The following FASTKD3 variants were observed in gnomAD, a reference collection of about 807,000 sequenced individuals.
FASTKD3 encodes FAST kinase domain-containing protein 3, mitochondrial.
FASTKD3 carries 47 observed loss-of-function variants against 49.7 expected under a neutral mutation model. The ratio of observed to expected loss-of-function variants is 0.95; its 90% CI spans 0.75 to 1.21. The LOEUF (loss-of-function observed/expected upper bound fraction) is 1.21, where lower values mean the gene tolerates loss of function less well. Ranked by LOEUF, FASTKD3 falls within the 50% of genes most tolerant of loss-of-function variation. FASTKD3 has a pLI of 0.00. For missense variants in FASTKD3, 748 were observed against 765.7 expected, an observed-to-expected ratio of 0.98 and a Z score of 0.27; for synonymous variants, 284 against 288.6, an observed-to-expected ratio of 0.98 and a Z score of 0.16.
chr5:7,867,080 C>T lies in FASTKD3; in HGVS notation c.1004G>A (p.Arg335Lys). Residue 335 changes from arginine to lysine, a missense_variant, in exon 2 of 7, where the codon AGG becomes AAG. This residue lies in a region of FASTKD3 where 564 missense variants were observed against 562.8 expected (regional missense o/e 1.00). Coordinates refer to ENST00000264669, the MANE Select transcript of FASTKD3 (RefSeq NM_024091.4). ...HVPHFTNEEL[R>K]RVLEAFIYFG... is the part of the protein sequence containing the mutation. ...ATATATGAACGCCTCCAAGACTCTC[C>T]TAAGCTCCTCGTTAGTGAAATGTGG... 7 of 1,614,182 alleles carry T rather than the reference C, an allele frequency of 4.3e-6. No individual in the cohort carries two copies. The highest frequency in any genetic ancestry group is 3.3e-5 in the South Asian group (3 of 91,074).
chr5:7,867,265 G>C lies in FASTKD3; in HGVS notation c.819C>G (p.His273Gln). Residue 273 changes from histidine (H) to glutamine (Q), a missense_variant, in exon 2 of 7, where the codon CAC becomes CAG. Physicochemically the swap from His to Gln is conservative, Grantham distance 24 (BLOSUM62 0). Coordinates refer to ENST00000264669, the MANE Select transcript of FASTKD3 (RefSeq NM_024091.4). ...TGTTTATCTTATTTAAAAATGTTTG[G>C]TGTTCATCCACTTTTTCAGTACATG... ...LQACTEKVDEHQTFLNKINNF... is the reference protein window; with the variant it reads ...LQACTEKVDEQQTFLNKINNF... 1 of 1,613,780 alleles carries C rather than the reference G, an allele frequency of 6.2e-7. No homozygotes were observed. The highest frequency in any genetic ancestry group is 8.5e-7 in the Non-Finnish European group (1 of 1,180,030).
chr5:7,859,744 T>C (rs1434388165), intron 6 of FASTKD3, among the ~76,000 whole-genome samples: 1 of 152,222 alleles, frequency 6.6e-6, no homozygotes, highest in Non-Finnish European at 1.5e-5. Context: ...GGTAAATATT[T>C]GATGAATTAA....
rs751672253 is a variant in FASTKD3, at chr5:7,865,891, CT to C, written c.1524+6del. On this transcript the variant is annotated splice_donor_region_variant and intron_variant, in intron 3 of 6. Coordinates refer to ENST00000264669, the MANE Select transcript of FASTKD3 (RefSeq NM_024091.4). ...GAAATAAAGCCACATATAGTTCATGCTTTTACCTTATAGAAAGGGCATTCCA... is the reference window on the plus strand; with the variant it reads ...GAAATAAAGCCACATATAGTTCATGCTTTACCTTATAGAAAGGGCATTCCA... 1 of 1,610,852 alleles carries C rather than the reference CT, an allele frequency of 6.2e-7. No individual in the cohort carries two copies. The highest frequency in any genetic ancestry group is 8.5e-7 in the Non-Finnish European group (1 of 1,177,104).
At chr5:7,861,839 C>A in intron 4 of FASTKD3, 187 bp from the exon 5 acceptor site, 2 of 1,248,996 alleles carry the variant, frequency 1.6e-6, no homozygotes, top group Non-Finnish European at 2.1e-6. Flanking sequence ...TATGATCAAT[C>A]AAGTCAGCCT....
At chr5:7,861,539 C>A in intron 5 of FASTKD3, 44 bp downstream of exon 5, 1 of 1,380,044 alleles carries the variant, frequency 7.2e-7, no homozygotes, top group Non-Finnish European at 9.6e-7. Flanking sequence ...GCTTATTAGC[C>A]TCAACGAGTC....
Position 7,860,113 on chromosome 5 carries a change from G to A in FASTKD3, c.1885-574C>T, listed in dbSNP as rs973453470. On this transcript the variant is annotated intron_variant, in intron 6 of 6. Transcript: ENST00000264669. The stretch of plus-strand genomic sequence containing the variant: ...ATTGGAGGGTCTTGAATGTTAAGAT[G>A]TAGAGAAGTTTTTACTTTATTCTGT... Among the ~76,000 whole-genome samples, 10 of 152,310 alleles carry A rather than the reference G, an allele frequency of 6.6e-5. No individual in the cohort carries two copies. In the East Asian group the frequency reaches 1.2e-3, roughly 18 times the overall value.
At position 7,867,968 on chromosome 5, in the gene FASTKD3, T is replaced by C; in HGVS notation, c.116A>G (p.Glu39Gly). The change falls in exon 2 of 7, where the codon GAG (glutamate) becomes GGG (glycine). Residue 39 changes from glutamate (E) to glycine (G), a missense_variant. By Grantham distance (98) the Glu-to-Gly change is moderately conservative. This residue lies in a region of FASTKD3 where 564 missense variants were observed against 562.8 expected (regional missense o/e 1.00). Coordinates refer to ENST00000264669, the MANE Select transcript of FASTKD3 (RefSeq NM_024091.4). ...PLNHVHKVVK[E>G]RLCPWLCSRQ... ...TGAACACAACCAAGGGCACAGACGC[T>C]CCTTGACTACCTTGTGAACATGATT... The C allele has an allele frequency of 6.2e-7, 1 of 1,614,106 alleles. No homozygotes were observed. Among genetic ancestry groups the C allele is most frequent in the Non-Finnish European group, 8.5e-7 (1 of 1,179,960 alleles).
chr5:7,861,472 T>G, intron 5 of FASTKD3, 111 bp downstream of exon 5: 2 of 790,206 alleles, frequency 2.5e-6, no homozygotes, highest in South Asian at 3.1e-5. Flanking sequence ...AAATGTAGTA[T>G]TTTAATTTCC....
intron 4 of FASTKD3, chr5:7,862,143 C>T (rs1341654293): frequency 3.9e-5 from 6 of 152,666 alleles, no homozygotes; most frequent in Admixed American, 1.3e-4. Context: ...TGGTAAACTG[C>T]AGTTCCCTTC....
chr5:7,863,283 AGAGT>A (rs1217943102), intron 3 of FASTKD3: 9 of 354,906 alleles, frequency 2.5e-5, no homozygotes, highest in Middle Eastern at 1.7e-3. Context: ...GAGTGAGGAG[AGAGT>A]GAGAAGAAAC....
chr5:7,865,816 T>C (rs1746903994), intron 3 of FASTKD3, 82 bp downstream of exon 3: 7 of 1,053,572 alleles, frequency 6.6e-6, no homozygotes, highest in African/African-American at 3.1e-5. Context: ...TTTCAGGTTA[T>C]TGAGACAGAT....
chr5:7,863,050 A>G, intron 3 of FASTKD3, 53 bp from the exon 4 acceptor site: 1 of 1,494,274 alleles, frequency 6.7e-7, no homozygotes, highest in Non-Finnish European at 9.2e-7. Context: ...ATAACAACAG[A>G]GAATAAATTG....
At chr5:7,861,484 G>A (rs1746528020) in intron 5 of FASTKD3, 99 bp downstream of exon 5, 1 of 864,868 alleles carries the variant, frequency 1.2e-6, no homozygotes, top group Non-Finnish European at 1.7e-6. Context: ...TTAATTTCCA[G>A]AATCATATCT....
rs557049889 is a variant in FASTKD3 at position 7,867,029 on chromosome 5, G to GT, written c.1054dup (p.Thr352AsnfsTer18). The stretch of plus-strand genomic sequence containing the variant: ...AGCTACACGATGCTCTAGGGCTTTT[G>GT]TAAAAAATGTGTCATGGTGCCCAAA... On this transcript the variant is annotated frameshift_variant, in exon 2 of 7. Coordinates refer to ENST00000264669, the MANE Select transcript of FASTKD3 (RefSeq NM_024091.4). LOFTEE classifies it high-confidence loss of function. 2 of 1,614,156 alleles carry GT rather than the reference G, an allele frequency of 1.2e-6. No individual in the cohort carries two copies. The highest frequency in any genetic ancestry group is 1.7e-6 in the Non-Finnish European group (2 of 1,180,028).
Position 7,859,299 on chromosome 5 carries a change from G to GA in FASTKD3, c.*135dup. On this transcript the variant is annotated 3_prime_UTR_variant, in exon 7 of 7. Coordinates refer to ENST00000264669, the MANE Select transcript of FASTKD3 (RefSeq NM_024091.4). ...ACAATAAATGTATACATAGTATAAG[G>GA]AAAACTACAGATGCTTTCAGATCAC... 2.1e-6 allele frequency: 1 copy of GA among 486,032 alleles called. No homozygotes were observed. Among genetic ancestry groups the GA allele is most frequent in the Non-Finnish European group, 3.6e-6 (1 of 275,250 alleles). 30.1% of individuals were successfully genotyped at this position (486,032 alleles called of 1,614,324 possible).
intron 6 of FASTKD3, among the ~76,000 whole-genome samples, chr5:7,860,021 T>A (rs1486290386): frequency 6.6e-6 from 1 of 151,132 alleles, no homozygotes; most frequent in African/African-American, 2.4e-5. Context: ...AAGGAGAGAG[T>A]CTGCTCAGCT....
At chr5:7,865,004 A>G (rs1440235006) in intron 3 of FASTKD3, among the ~76,000 whole-genome samples, 1 of 152,184 alleles carries the variant, frequency 6.6e-6, no homozygotes, top group Non-Finnish European at 1.5e-5. Flanking sequence ...AACACCATGA[A>G]ATATCATGCC....
At chr5:7,864,676 T>C (rs1746805438) in intron 3 of FASTKD3, among the ~76,000 whole-genome samples, 1 of 152,164 alleles carries the variant, frequency 6.6e-6, no homozygotes, top group Non-Finnish European at 1.5e-5. Flanking sequence ...GCAACTTAAA[T>C]ATATGATATG....
Position 7,866,689 on chromosome 5 carries a change from A to C in FASTKD3, c.1395T>G (p.Phe465Leu). 1 of 1,599,558 alleles carries C rather than the reference A, an allele frequency of 6.3e-7. No homozygotes were observed. Among genetic ancestry groups the C allele is most frequent in the Non-Finnish European group, 8.5e-7 (1 of 1,174,364 alleles). The change falls in exon 2 of 7, where the codon TTT becomes TTG. Residue 465 changes from phenylalanine (F) to leucine (L), a missense_variant. Transcript: ENST00000264669. ...AAAGAGGCTTGAATATTTTTGCCAG[A>C]AAGTTGACTGGATGGCATTCATTAA... ...CSLNECHPVN[F>L]LAKIFKPLFL... is the part of the protein sequence containing the mutation.
Sources: gnomAD v4.1 joint callset for allele counts (sites outside exome capture counted in the v4.1 genomes callset) on GRCh38, gnomAD v4.1.1 for gene constraint, gnomAD v4.1.1 regional missense constraint, MANE v1.5 for transcripts, NCBI Gene and HGNC (gene_info 2026-07-23, HGNC 2026-07-21) for gene names.